EML6: variants seen among roughly 807,000 people sequenced by gnomAD.
The protein encoded by EML6 is EMAP like 6.
Under a neutral mutation model 240.1 loss-of-function variants are expected in EML6, and 154 were observed. That is an observed-to-expected ratio of 0.64 (90% confidence interval 0.56 to 0.73). EML6 has a LOEUF of 0.73. EML6 is among the 30% of genes least tolerant of loss of function. EML6 has a pLI of 0.00. For missense variants in EML6, 2,964 were observed against 2,474.6 expected (o/e 1.20, Z -4.20); for synonymous variants, 1,148 against 899.0 (o/e 1.28, Z -4.95).
intron 7 of EML6, among the ~76,000 whole-genome samples, chr2:54,835,811 A>G (rs1363370415): frequency 6.6e-6 from 1 of 152,176 alleles, no homozygotes; most frequent in Non-Finnish European, 1.5e-5. Context: ...AGCTGCTAAA[A>G]GTATTACAGT....
Position 54,927,783 on chromosome 2 carries a change from G to A in EML6, c.3676-530G>A, listed in dbSNP as rs925021165. 5.9e-5 allele frequency among the ~76,000 whole-genome samples: 9 copies of A among 152,238 alleles called. No homozygotes were observed. The South Asian group carries it at 6.2e-4, about 10-fold the overall frequency. ...AGCTTTGCTTTAAATCAATGTTTGC[G>A]TGTTTGTATTAAAAATTCTTTCTAG... is the stretch of plus-strand genomic sequence containing the variant. On this transcript the variant is annotated intron_variant, in intron 26 of 41. Transcript: ENST00000356458.
chr2:54,965,763 A>T (rs1023098863), intron 38 of EML6, among the ~76,000 whole-genome samples: 7 of 152,162 alleles, frequency 4.6e-5, no homozygotes, highest in African/African-American at 1.7e-4. Context: ...AAAATATCTC[A>T]AGCGCTGAAT....
At chr2:54,750,175 C>T (rs1318608361) in intron 2 of EML6, among the ~76,000 whole-genome samples, 1 of 152,156 alleles carries the variant, frequency 6.6e-6, no homozygotes, top group Non-Finnish European at 1.5e-5. Context: ...GCCTGAGGGC[C>T]CGATATTTGG....
chr2:54,956,680 G>A (rs1676249678), intron 32 of EML6, among the ~76,000 whole-genome samples: 1 of 152,130 alleles, frequency 6.6e-6, no homozygotes, highest in African/African-American at 2.4e-5. Flanking sequence ...AGTATCAGAG[G>A]GGTGGCCACA....
chr2:54,945,393 C>G (rs1024318198), intron 28 of EML6, among the ~76,000 whole-genome samples: 1 of 151,154 alleles, frequency 6.6e-6, no homozygotes, highest in Non-Finnish European at 1.5e-5. Context: ...GCTGTTTCCT[C>G]CAAGGACACT....
At chr2:54,787,248 G>C (rs796262269) in intron 2 of EML6, among the ~76,000 whole-genome samples, 96 of 152,192 alleles carry the variant, frequency 6.3e-4, no homozygotes, top group African/African-American at 2.3e-3. Flanking sequence ...AGAAATACCT[G>C]ACAAGGCTCC....
At chr2:54,836,854 C>T (rs1188232144) in intron 7 of EML6, among the ~76,000 whole-genome samples, 1 of 152,130 alleles carries the variant, frequency 6.6e-6, no homozygotes, top group Non-Finnish European at 1.5e-5. Flanking sequence ...AGATGCATGT[C>T]TTTCCTCCTT....
At chr2:54,747,910 A>G (rs1255059593) in intron 2 of EML6, among the ~76,000 whole-genome samples, 1 of 152,152 alleles carries the variant, frequency 6.6e-6, no homozygotes, top group Non-Finnish European at 1.5e-5. Context: ...TTTTTACTTT[A>G]TATTAATACT....
chr2:54,892,697 T>C (rs1465133171), intron 19 of EML6, 41 bp downstream of exon 19: 2 of 1,486,850 alleles, frequency 1.3e-6, no homozygotes, highest in East Asian at 2.5e-5. Context: ...TCATCAGCCT[T>C]CTAAAATTAT....
At chr2:54,805,905 A>G (rs567482932) in intron 2 of EML6, among the ~76,000 whole-genome samples, 5 of 152,176 alleles carry the variant, frequency 3.3e-5, no homozygotes, top group South Asian at 2.1e-4. Flanking sequence ...TTGAAAAACA[A>G]TCCTTTCCCC....
chr2:54,928,736 T>C lies in EML6; in HGVS notation c.3989T>C (p.Val1330Ala), dbSNP rs1409469194. Reference sequence around the variant, plus strand: ...AAGCCACACCAGCAGCTGAAGGAAGTTTCCGTGGAAGAAAGGTATGGTGTT... The same window carrying C: ...AAGCCACACCAGCAGCTGAAGGAAGCTTCCGTGGAAGAAAGGTATGGTGTT... ...GTKPHQQLKE[V>A]SVEERPPVSR... Residue 1330 changes from valine to alanine, a missense_variant, in exon 28 of 42, where the codon GTT becomes GCT. By Grantham distance (64) the Val-to-Ala change is moderately conservative. Coordinates refer to ENST00000356458, the MANE Select transcript of EML6 (RefSeq NM_001039753.4). 10 of 1,551,832 alleles carry C rather than the reference T, an allele frequency of 6.4e-6. No homozygotes were observed. The highest frequency in any genetic ancestry group is 8.7e-6 in the Non-Finnish European group (10 of 1,147,032).
At chr2:54,933,382 A>T (rs1409307088) in intron 28 of EML6, among the ~76,000 whole-genome samples, 1 of 152,190 alleles carries the variant, frequency 6.6e-6, no homozygotes, top group South Asian at 2.1e-4. Flanking sequence ...GAAAATGTCT[A>T]TTACAGTTCA....
At chr2:54,866,905 G>T in intron 14 of EML6, 21 bp downstream of exon 14, 1 of 1,387,896 alleles carries the variant, frequency 7.2e-7, no homozygotes, top group Non-Finnish European at 1.0e-6. Flanking sequence ...TGTCATGGGC[G>T]CCCGTATGTG....
rs1676830498 is a variant in EML6, at chr2:54,968,139, A to T, written c.5609A>T (p.Asp1870Val). ...TTCTGTTGGAACAGCGTCCTGGGAG[A>T]TGAAGTCATTGGAATCTGGCCACGA... ...TWASWTSVLG[D>V]EVIGIWPRNA... Residue 1870 changes from aspartate (D) to valine (V), a missense_variant, in exon 40 of 42, where the codon GAT becomes GTT. Transcript: ENST00000356458. The T allele has an allele frequency of 6.4e-7, 1 of 1,550,998 alleles. No individual in the cohort carries two copies. The highest frequency in any genetic ancestry group is 1.4e-5 in the African/African-American group (1 of 73,016).
At chr2:54,807,034 C>A (rs1240528176) in intron 2 of EML6, among the ~76,000 whole-genome samples, 4 of 152,146 alleles carry the variant, frequency 2.6e-5, no homozygotes, top group Admixed American at 6.5e-5. Flanking sequence ...ATATAATGCA[C>A]AACTTACAAA....
intron 16 of EML6, among the ~76,000 whole-genome samples, chr2:54,878,164 C>G (rs1360930040): frequency 6.6e-6 from 1 of 152,252 alleles, no homozygotes; most frequent in Admixed American, 6.5e-5. Flanking sequence ...TACTGCTTAC[C>G]TGAAATGCCA....
intron 9 of EML6, among the ~76,000 whole-genome samples, chr2:54,848,532 C>CACACACACAA (rs1277028770): frequency 6.6e-6 from 1 of 151,824 alleles, no homozygotes; most frequent in Non-Finnish European, 1.5e-5. Context: ...ACTACACACA[C>CACACACACAA]ACACACACAC....
chr2:54,833,650 C>G (rs1449176200), intron 7 of EML6, among the ~76,000 whole-genome samples: 1 of 152,202 alleles, frequency 6.6e-6, no homozygotes. Flanking sequence ...AAATGTCACT[C>G]ACATGATGAG....
chr2:54,812,074 A>G (rs2631838), intron 2 of EML6, among the ~76,000 whole-genome samples: 54,299 of 152,076 alleles, frequency 0.36, 10,359 homozygotes, highest in Admixed American at 0.5. Context: ...TTGGTTATAG[A>G]TATATAATGC....
Sources: gnomAD v4.1 joint callset for allele counts (sites outside exome capture counted in the v4.1 genomes callset) on GRCh38, gnomAD v4.1.1 for gene constraint, MANE v1.5 for transcripts, NCBI Gene and HGNC (gene_info 2026-07-23, HGNC 2026-07-21) for gene names.